NINL: variants seen among roughly 807,000 people sequenced by gnomAD.
The protein encoded by NINL is ninein like, also known as ninein-like protein.
NINL carries 153 observed loss-of-function variants against 160.3 expected under a neutral mutation model. The observed-to-expected ratio is 0.95, with a 90% confidence interval of 0.84 to 1.09. NINL has a LOEUF of 1.09. Ranked by LOEUF, NINL falls within the 50% of genes least tolerant of loss-of-function variation. The probability of loss-of-function intolerance (pLI) is 0.00; values close to 1 mark genes in which losing one functional copy is unlikely to be tolerated. For missense variants in NINL, 1,829 were observed against 1,764.0 expected, an observed-to-expected ratio of 1.04 and a Z score of -0.66; for synonymous variants, 800 against 734.8, an observed-to-expected ratio of 1.09 and a Z score of -1.43.
At chr20:25,475,688 C>T (rs932484723) in intron 17 of NINL, among the ~76,000 whole-genome samples, 6 of 152,164 alleles carry the variant, frequency 3.9e-5, no homozygotes, top group East Asian at 1.9e-4. Context: ...GGTGAAACCC[C>T]GTCTCTACTA....
At chr20:25,529,417 T>A (rs1300807446) in intron 1 of NINL, among the ~76,000 whole-genome samples, 2 of 152,200 alleles carry the variant, frequency 1.3e-5, no homozygotes, top group African/African-American at 4.8e-5. Flanking sequence ...AACCGGTTCA[T>A]AGTCTCAGAG....
At chr20:25,526,283 G>A (rs750934519) in intron 2 of NINL, 125 bp downstream of exon 2, 3 of 865,090 alleles carry the variant, frequency 3.5e-6, no homozygotes, top group Non-Finnish European at 5.4e-6. Flanking sequence ...CTAGGACACT[G>A]TTCCATTTGC....
At chr20:25,512,635 G>A (rs940956172) in intron 4 of NINL, among the ~76,000 whole-genome samples, 199 bp downstream of exon 4, 1 of 152,160 alleles carries the variant, frequency 6.6e-6, no homozygotes, top group African/African-American at 2.4e-5. Flanking sequence ...CCTGTGTCCA[G>A]GACTGTCCTG....
At chr20:25,509,836 A>G (rs1252753393) in intron 5 of NINL, 6 of 404,632 alleles carry the variant, frequency 1.5e-5, no homozygotes, top group Non-Finnish European at 2.4e-5. Flanking sequence ...ATGTCAAGGA[A>G]GTATTATAGG....
rs147913144 is a variant in NINL, at chr20:25,457,273, A to C, written c.3843+1110T>G. Among the ~76,000 whole-genome samples, 10 of 152,202 alleles carry C rather than the reference A, an allele frequency of 6.6e-5. No homozygotes were observed. The East Asian group carries it at 1.7e-3, about 27-fold the overall frequency. Reference sequence around the variant, plus strand: ...CAGGAGGCGAAGGTTGCAGTAAGCCAAGATTACGCCACTGCACTCCAGCCT... The same window carrying C: ...CAGGAGGCGAAGGTTGCAGTAAGCCCAGATTACGCCACTGCACTCCAGCCT... On this transcript the variant is annotated intron_variant, in intron 22 of 23. Transcript: ENST00000278886.
At chr20:25,497,801 GA>G (rs2063788302) in intron 9 of NINL, among the ~76,000 whole-genome samples, 1 of 152,204 alleles carries the variant, frequency 6.6e-6, no homozygotes, top group African/African-American at 2.4e-5. Flanking sequence ...GCACCAGCAT[GA>G]GGGGGGACCT....
At chr20:25,501,459 G>C (rs781342152) in intron 7 of NINL, among the ~76,000 whole-genome samples, 1 of 152,224 alleles carries the variant, frequency 6.6e-6, no homozygotes, top group Non-Finnish European at 1.5e-5. Flanking sequence ...GGCTGGAAGG[G>C]CAGAAGTGCG....
intron 19 of NINL, among the ~76,000 whole-genome samples, chr20:25,464,727 G>C (rs2062871590): frequency 6.6e-6 from 1 of 152,212 alleles, no homozygotes; most frequent in Non-Finnish European, 1.5e-5. Context: ...GAGCCTGGCA[G>C]CATCCTTCCC....
intron 10 of NINL, among the ~76,000 whole-genome samples, chr20:25,492,154 G>A (rs754242699): frequency 2.0e-4 from 31 of 152,106 alleles, no homozygotes; most frequent in Non-Finnish European, 3.7e-4. Context: ...GCCTGGTGAC[G>A]CCCATAACCA....
At chr20:25,578,886 TAGTCCCAGCTACTTGGGA>T (rs1435310440) in intron 1 of NINL, among the ~76,000 whole-genome samples, 1 of 151,614 alleles carries the variant, frequency 6.6e-6, no homozygotes, top group Non-Finnish European at 1.5e-5. Context: ...CACATGCCTG[TAGTCCCAGCTACTTGGGA>T]GGCTGAGGTG....
At chr20:25,511,445 T>C (rs12624526) in intron 4 of NINL, among the ~76,000 whole-genome samples, 10 of 152,218 alleles carry the variant, frequency 6.6e-5, no homozygotes, top group African/African-American at 1.4e-4. Flanking sequence ...CCAGGTGTTG[T>C]GTGTCCCCAC....
At chr20:25,483,015 C>G (rs1261118658) in intron 13 of NINL, among the ~76,000 whole-genome samples, 1 of 148,112 alleles carries the variant, frequency 6.8e-6, no homozygotes, top group African/African-American at 2.6e-5. Context: ...GCAAAAAGAG[C>G]AAACTCCATC....
chr20:25,484,938 C>G (rs1355076468), intron 13 of NINL, among the ~76,000 whole-genome samples: 2 of 152,202 alleles, frequency 1.3e-5, no homozygotes, highest in Non-Finnish European at 2.9e-5. Context: ...GTTGGGAGAT[C>G]AGAAGCAACA....
At chr20:25,507,741 T>G (rs1398603923) in intron 5 of NINL, among the ~76,000 whole-genome samples, 1 of 151,926 alleles carries the variant, frequency 6.6e-6, no homozygotes, top group Non-Finnish European at 1.5e-5. Context: ...GTGGGTTGGG[T>G]TGAGGAAAAC....
chr20:25,557,531 A>G (rs936604467), intron 1 of NINL, among the ~76,000 whole-genome samples: 2 of 152,106 alleles, frequency 1.3e-5, no homozygotes, highest in African/African-American at 2.4e-5. Flanking sequence ...ACTCCATCTC[A>G]AGAAAAAGAA....
At chr20:25,529,008 C>A (rs2064405046) in intron 1 of NINL, among the ~76,000 whole-genome samples, 1 of 152,060 alleles carries the variant, frequency 6.6e-6, no homozygotes, top group African/African-American at 2.4e-5. Flanking sequence ...AAGTTGGAGT[C>A]AGAAAAAGAA....
In NINL at chr20:25,556,968, C is replaced by T. The variant is rs139199953; in HGVS notation, c.-12+28487G>A. Among the ~76,000 whole-genome samples, 1,299 of 152,228 alleles carry T rather than the reference C, an allele frequency of 8.5e-3. 13 individuals carry two copies. The highest frequency in any genetic ancestry group is 0.034 in the Middle Eastern group (10 of 294). On this transcript the variant is annotated intron_variant, in intron 1 of 23. Transcript: ENST00000278886. ...AGCTATGGGCACCAGGGGAGTTTCC[C>T]ACCTCCACAGCTCCCACTCCCAGCT...
intron 7 of NINL, among the ~76,000 whole-genome samples, chr20:25,502,653 A>G (rs1348265647): frequency 6.6e-6 from 1 of 152,122 alleles, no homozygotes; most frequent in African/African-American, 2.4e-5. Context: ...TTTCTCACAA[A>G]TGGTTTAGCA....
intron 1 of NINL, among the ~76,000 whole-genome samples, chr20:25,582,542 G>C (rs2065185755): frequency 6.6e-6 from 1 of 152,136 alleles, no homozygotes; most frequent in African/African-American, 2.4e-5. Flanking sequence ...CTACAAAAAA[G>C]AGTTATCCTC....
Sources: gnomAD v4.1 joint callset for allele counts (sites outside exome capture counted in the v4.1 genomes callset) on GRCh38, gnomAD v4.1.1 for gene constraint, MANE v1.5 for transcripts, NCBI Gene and HGNC (gene_info 2026-07-23, HGNC 2026-07-21) for gene names.